The following ATP8A2 variants were observed in gnomAD, a reference collection of about 807,000 sequenced individuals.
The protein encoded by ATP8A2 is phospholipid-transporting ATPase IB.
ATP8A2 carries 100 observed loss-of-function variants against 165.6 expected under a neutral mutation model. That is an observed-to-expected ratio of 0.60 (90% CI 0.51 to 0.71). The LOEUF (loss-of-function observed/expected upper bound fraction) is 0.71. Among genes scored for constraint, ATP8A2 ranks in the 30% least tolerant of loss-of-function variants. ATP8A2 has a pLI of 0.00. For synonymous variants in ATP8A2, 543 were observed against 548.8 expected (o/e 0.99, Z 0.15); for missense variants, 1,227 against 1,479.5 (o/e 0.83, Z 2.80).
At chr13:25,882,932 A>ATGATGATGGTGATGG (rs1367115739) in intron 33 of ATP8A2, among the ~76,000 whole-genome samples, 1 of 139,614 alleles carries the variant, frequency 7.2e-6, no homozygotes, top group Admixed American at 7.8e-5. Context: ...GATGATGATG[A>ATGATGATGGTGATGG]TGATGATGGT....
intron 24 of ATP8A2, among the ~76,000 whole-genome samples, chr13:25,642,395 A>C (rs1025125072): frequency 2.6e-5 from 4 of 152,180 alleles, no homozygotes; most frequent in African/African-American, 9.6e-5. Context: ...AACTCAAACA[A>C]ATTTACAAGA....
intron 25 of ATP8A2, among the ~76,000 whole-genome samples, chr13:25,702,998 A>T (rs1029099651): frequency 6.6e-6 from 1 of 152,090 alleles, no homozygotes; most frequent in African/African-American, 2.4e-5. Context: ...AATGTGTCGG[A>T]TGGCCTCATT....
At position 25,943,251 on chromosome 13, in the gene ATP8A2, G is replaced by A. The variant is rs180737693; in HGVS notation, c.3184-18324G>A. Among the ~76,000 whole-genome samples the A allele has an allele frequency of 3.4e-3, 525 of 152,290 alleles. 7 individuals are homozygous for A. The highest frequency in any genetic ancestry group is 0.012 in the African/African-American group (487 of 41,564). On this transcript the variant is annotated intron_variant, in intron 33 of 36. Transcript: ENST00000381655. ...CTTGAAATCCCTGGAGAACTGCTAT[G>A]CTGTCAACTGGAGGCTTCCTCTCCT...
At chr13:26,001,351 G>GTAT (rs1487426230) in intron 35 of ATP8A2, among the ~76,000 whole-genome samples, 1 of 152,100 alleles carries the variant, frequency 6.6e-6, no homozygotes, top group African/African-American at 2.4e-5. Flanking sequence ...TATTGTACTG[G>GTAT]TATCTGTCTG....
chr13:25,413,635 G>A (rs1477384002), intron 1 of ATP8A2, among the ~76,000 whole-genome samples: 1 of 152,118 alleles, frequency 6.6e-6, no homozygotes, highest in East Asian at 1.9e-4. Context: ...TTCTGATTCT[G>A]ATTTATCCTT....
intron 1 of ATP8A2, among the ~76,000 whole-genome samples, chr13:25,464,733 G>T (rs1039659415): frequency 6.6e-5 from 10 of 152,188 alleles, no homozygotes; most frequent in Non-Finnish European, 1.5e-4. Flanking sequence ...TCTGGTTCAA[G>T]GGAGACAGAG....
chr13:25,657,822 T>C (rs2041966948), intron 24 of ATP8A2, among the ~76,000 whole-genome samples: 1 of 152,224 alleles, frequency 6.6e-6, no homozygotes, highest in Non-Finnish European at 1.5e-5. Context: ...ATTTAGTACA[T>C]ATTTTCTCTT....
At position 25,890,887 on chromosome 13, in the gene ATP8A2, T is replaced by C. The variant is rs116798227; in HGVS notation, c.3183+28479T>C. 9.8e-3 allele frequency among the ~76,000 whole-genome samples: 1,487 copies of C among 152,306 alleles called. 21 individuals carry two copies. Among genetic ancestry groups the C allele is most frequent in the African/African-American group, 0.034 (1,430 of 41,570 alleles). ...TGAAATTTGTTTTAAAGCATTACTC[T>C]CAGGTTAAGTCATGTTTGCCAAGTT... On this transcript the variant is annotated intron_variant, in intron 33 of 36. Transcript: ENST00000381655.
At chr13:25,429,387 A>G (rs572998) in intron 1 of ATP8A2, among the ~76,000 whole-genome samples, 10,221 of 71,146 alleles carry the variant, frequency 0.14, 900 homozygotes, top group African/African-American at 0.26. Flanking sequence ...AAAAAAAAAA[A>G]AAAAAAAAAA....
intron 27 of ATP8A2, among the ~76,000 whole-genome samples, chr13:25,805,670 TC>T (rs1420709952): frequency 4.6e-5 from 7 of 152,226 alleles, no homozygotes; most frequent in Non-Finnish European, 1.0e-4. Context: ...CCATATGTAT[TC>T]CATACTGTAA....
intron 33 of ATP8A2, among the ~76,000 whole-genome samples, chr13:25,915,692 G>A (rs561773961): frequency 6.6e-6 from 1 of 152,332 alleles, no homozygotes; most frequent in South Asian, 2.1e-4. Context: ...CTGCAGGGGT[G>A]AGGCAGAACT....
intron 27 of ATP8A2, among the ~76,000 whole-genome samples, chr13:25,799,220 A>G (rs1950565107): frequency 6.6e-6 from 1 of 152,198 alleles, no homozygotes; most frequent in South Asian, 2.1e-4. Context: ...CTAGGATGAT[A>G]AGGGTTAGTT....
chr13:25,813,381 A>T (rs200307087), intron 27 of ATP8A2, among the ~76,000 whole-genome samples: 1 of 104,328 alleles, frequency 9.6e-6, no homozygotes, highest in Admixed American at 1.1e-4. Context: ...CAGGATGATG[A>T]TATATGATAT....
chr13:25,995,900 A>C (rs979067242), intron 35 of ATP8A2, among the ~76,000 whole-genome samples: 7 of 152,152 alleles, frequency 4.6e-5, no homozygotes, highest in African/African-American at 1.7e-4. Flanking sequence ...ATTGTGAATT[A>C]GTCTATTTCT....
chr13:25,596,986 T>G (rs1252013847), intron 24 of ATP8A2, among the ~76,000 whole-genome samples: 2 of 152,184 alleles, frequency 1.3e-5, no homozygotes, highest in African/African-American at 4.8e-5. Context: ...CATTGTGACT[T>G]TAAGTTATAT....
intron 33 of ATP8A2, among the ~76,000 whole-genome samples, chr13:25,914,674 G>T (rs192951287): frequency 6.6e-6 from 1 of 152,096 alleles, no homozygotes; most frequent in Non-Finnish European, 1.5e-5. Flanking sequence ...TCCCCTTCCC[G>T]CCATGCTTTA....
At chr13:25,732,797 G>A (rs2043680193) in intron 25 of ATP8A2, among the ~76,000 whole-genome samples, 2 of 151,868 alleles carry the variant, frequency 1.3e-5, no homozygotes, top group African/African-American at 4.8e-5. Flanking sequence ...GCCTATTGCT[G>A]AAAAAAAGTT....
intron 2 of ATP8A2, among the ~76,000 whole-genome samples, chr13:25,494,920 C>T (rs7324425): frequency 0.027 from 4,092 of 152,282 alleles, 193 homozygotes; most frequent in African/African-American, 0.093. Flanking sequence ...CCTCTGCTGG[C>T]TAGCAGCCCT....
chr13:25,964,958 AAGATCAG>A (rs1955745768), intron 34 of ATP8A2, among the ~76,000 whole-genome samples: 1 of 152,200 alleles, frequency 6.6e-6, no homozygotes, highest in East Asian at 1.9e-4. Context: ...TCAGGAGTTC[AAGATCAG>A]CCCGGCCAAC....
Sources: allele counts gnomAD v4.1 joint callset (sites outside exome capture counted in the v4.1 genomes callset), GRCh38; gene constraint gnomAD v4.1.1; transcripts MANE v1.5; gene names NCBI Gene and HGNC (gene_info 2026-07-23, HGNC 2026-07-21).